SLC1A4: variants seen among roughly 807,000 people sequenced by gnomAD.
SLC1A4 encodes neutral amino acid transporter A.
A neutral mutation model predicts 37.7 loss-of-function variants in SLC1A4; 19 were observed. The observed-to-expected ratio is 0.50, with a 90% CI of 0.35 to 0.74. The LOEUF (loss-of-function observed/expected upper bound fraction) is 0.74, where lower values mean the gene tolerates loss of function less well. Among genes scored for constraint, SLC1A4 ranks in the 30% least tolerant of loss-of-function variants. SLC1A4 has a pLI of 0.01. For missense variants in SLC1A4, 570 were observed against 712.9 expected, an observed-to-expected ratio of 0.80 and a Z score of 2.28; for synonymous variants, 299 against 309.8, an observed-to-expected ratio of 0.97 and a Z score of 0.37.
intron 4 of SLC1A4, among the ~76,000 whole-genome samples, 167 bp from the exon 5 acceptor site, chr2:65,016,273 G>A (rs539940548): frequency 1.3e-5 from 2 of 152,304 alleles, no homozygotes; most frequent in South Asian, 2.1e-4. Flanking sequence ...CTCACAGGCT[G>A]TAAAATGGGG....
In SLC1A4 at chr2:65,001,444, A is replaced by G. The variant is rs1350078804; in HGVS notation, c.528-4A>G. The G allele has an allele frequency of 5.6e-6, 9 of 1,613,832 alleles. No individual in the cohort carries two copies. Among genetic ancestry groups the G allele is most frequent in the East Asian group, 2.2e-5 (1 of 44,884 alleles). ...TACTGACAGAATGCTTTCTTTTCCAACAGAAACCTGTTTCCCTCCAATCTT... is the reference window on the plus strand; with the variant it reads ...TACTGACAGAATGCTTTCTTTTCCAGCAGAAACCTGTTTCCCTCCAATCTT... On this transcript the variant is annotated splice_polypyrimidine_tract_variant and splice_region_variant and intron_variant, in intron 1 of 7. Coordinates refer to ENST00000234256, the MANE Select transcript of SLC1A4 (RefSeq NM_003038.5).
chr2:65,003,925 G>A, intron 2 of SLC1A4, 28 bp from the exon 3 acceptor site: 8 of 1,596,326 alleles, frequency 5.0e-6, no homozygotes, highest in Non-Finnish European at 6.9e-6. Context: ...TGCACTAACA[G>A]TGGGTTTTTT....
chr2:64,990,282 T>C (rs2103625811), intron 1 of SLC1A4, 112 bp downstream of exon 1: 1 of 1,072,924 alleles, frequency 9.3e-7, no homozygotes, highest in East Asian at 2.7e-5. Flanking sequence ...CTTAGCTGGC[T>C]GCTGGTGGCG....
In SLC1A4 at chr2:65,018,899, T is replaced by C. The variant is rs1295866943; in HGVS notation, c.1364+220T>C. The stretch of plus-strand genomic sequence containing the variant: ...ATCCAGGAATGACCATGAGATGTCA[T>C]TACCAAGAACTTGCTTATAGCATCC... On this transcript the variant is annotated intron_variant, in intron 7 of 7. Coordinates refer to ENST00000234256, the MANE Select transcript of SLC1A4 (RefSeq NM_003038.5). The surrounding 1 kb of genome is among the most constrained non-coding windows in gnomAD (Gnocchi z 4.3). Among the ~76,000 whole-genome samples, 1 of 152,198 alleles carries C rather than the reference T, an allele frequency of 6.6e-6. No individual in the cohort carries two copies. The highest frequency in any genetic ancestry group is 1.5e-5 in the Non-Finnish European group (1 of 68,042).
At chr2:65,004,038 T>G in intron 3 of SLC1A4, 23 bp downstream of exon 3, 1 of 1,577,148 alleles carries the variant, frequency 6.3e-7, no homozygotes. Flanking sequence ...ATAAGGTCAC[T>G]TGTAAAAATA....
In SLC1A4 at chr2:65,021,352, CAT is replaced by C; in HGVS notation, c.*207_*208del. ...GTTACCAAGGACAAGGACACTCTGA[CAT>C]TCGGCTTGATCCATGTCCAGGTGCA... On this transcript the variant is annotated 3_prime_UTR_variant, in exon 8 of 8. Coordinates refer to ENST00000234256, the MANE Select transcript of SLC1A4 (RefSeq NM_003038.5). 1.7e-6 allele frequency: 1 copy of C among 582,290 alleles called. No homozygotes were observed. Among genetic ancestry groups the C allele is most frequent in the East Asian group, 2.8e-5 (1 of 35,264 alleles). The allele number at this position is 582,290 out of a possible 1,614,324, so 36.1% of individuals were successfully genotyped here. A position where few individuals can be genotyped will look rare whatever the true frequency, so the allele number is the denominator to read the frequency against.
rs1222342261 is a variant in SLC1A4, at chr2:65,010,594, C to T, written c.634-3C>T. On this transcript the variant is annotated splice_region_variant and splice_polypyrimidine_tract_variant and intron_variant, in intron 3 of 7. Coordinates refer to ENST00000234256, the MANE Select transcript of SLC1A4 (RefSeq NM_003038.5). Reference sequence around the variant, plus strand: ...ACTTGTTCTATCCTCTCTGATCCTGCAGATCCCCATAGGCACTGAGATAGA... The same window carrying T: ...ACTTGTTCTATCCTCTCTGATCCTGTAGATCCCCATAGGCACTGAGATAGA... The T allele has an allele frequency of 6.3e-7, 1 of 1,598,736 alleles. No homozygotes were observed. Among genetic ancestry groups the T allele is most frequent in the African/African-American group, 1.4e-5 (1 of 73,986 alleles).
In SLC1A4 at chr2:65,018,719, C is replaced by T; in HGVS notation, c.1364+40C>T. 1 of 1,610,608 alleles carries T rather than the reference C, an allele frequency of 6.2e-7. No individual in the cohort carries two copies. The stretch of plus-strand genomic sequence containing the variant: ...CTGAGAACACCAAAAAGAGTCTGCA[C>T]TGAGTTCCCTAGGAGCTTAGCACTG... On this transcript the variant is annotated intron_variant, in intron 7 of 7. Transcript: ENST00000234256. The surrounding 1 kb of genome is among the most constrained non-coding windows in gnomAD (Gnocchi z 4.3).
At chr2:65,013,948 A>G (rs1435221349) in intron 4 of SLC1A4, among the ~76,000 whole-genome samples, 1 of 152,248 alleles carries the variant, frequency 6.6e-6, no homozygotes, top group Non-Finnish European at 1.5e-5. Context: ...ATGAAAGAGC[A>G]TGACTGTGTT....
At chr2:64,996,364 C>T (rs1270626294) in intron 1 of SLC1A4, among the ~76,000 whole-genome samples, 2 of 152,138 alleles carry the variant, frequency 1.3e-5, no homozygotes, top group East Asian at 1.9e-4. Flanking sequence ...TGGCCTAATA[C>T]ATATGTAATT....
chr2:65,010,656 G>A lies in SLC1A4; in HGVS notation c.693G>A (p.Leu231=), dbSNP rs1455669947. ...TTTTAGGATTGGTCCTGTTTGCTCT[G>A]GTGTTAGGAGTGGCCTTAAAGAAAC... ...MNILGLVLFA[L]VLGVALKKLG... is the part of the protein sequence containing the mutation. Residue 231 remains leucine (L), a synonymous_variant, in exon 4 of 8, where the codon CTG becomes CTA. Coordinates refer to ENST00000234256, the MANE Select transcript of SLC1A4 (RefSeq NM_003038.5). 6.2e-7 allele frequency: 1 copy of A among 1,614,090 alleles called. No homozygotes were observed. The highest frequency in any genetic ancestry group is 1.7e-5 in the Admixed American group (1 of 60,014).
intron 3 of SLC1A4, 43 bp downstream of exon 3, chr2:65,004,058 C>A: frequency 6.7e-7 from 1 of 1,492,624 alleles, no homozygotes; most frequent in Non-Finnish European, 9.3e-7. Context: ...ATGTCTAAAA[C>A]AAATCTTATT....
intron 5 of SLC1A4, among the ~76,000 whole-genome samples, chr2:65,017,495 TA>T (rs747628209): frequency 8.4e-3 from 1,088 of 129,512 alleles, no homozygotes; most frequent in Middle Eastern, 0.016. Context: ...GAGGTGGGAG[TA>T]AAAAAAAAAA....
In SLC1A4 at chr2:65,016,444, G is replaced by A. The variant is rs147292530; in HGVS notation, c.805G>A (p.Val269Ile). Residue 269 changes from valine (V) to isoleucine (I), a missense_variant, in exon 5 of 8, where the codon GTA becomes ATA. Coordinates refer to ENST00000234256, the MANE Select transcript of SLC1A4 (RefSeq NM_003038.5). ...TACCCTGTGCTTGTGCCCTAGGTAC[G>A]TACCTGTGGGCATCATGTTCCTTGT... is the stretch of plus-strand genomic sequence containing the variant. Reference protein sequence around the residue: ...MVLVSWIMWYVPVGIMFLVGS... With the variant: ...MVLVSWIMWYIPVGIMFLVGS... 35 of 1,613,528 alleles carry A rather than the reference G, an allele frequency of 2.2e-5. No homozygotes were observed. Among genetic ancestry groups the A allele is most frequent in the Middle Eastern group, 1.6e-4 (1 of 6,062 alleles).
At chr2:65,015,586 TTTAA>T (rs971430845) in intron 4 of SLC1A4, among the ~76,000 whole-genome samples, 12 of 152,332 alleles carry the variant, frequency 7.9e-5, no homozygotes, top group African/African-American at 2.9e-4. Context: ...CTATCGGGTT[TTTAA>T]TTAATAATTA....
chr2:65,018,312 GT>G lies in SLC1A4; in HGVS notation c.1229+48del. ...TGGCTCAAAACTGAAGGCTTTTCTT[GT>G]GATTTCCTTTGAAAAACCAATCTCA... On this transcript the variant is annotated intron_variant, in intron 6 of 7. Transcript: ENST00000234256. This position sits in a 1 kb window ranked among gnomAD's most constrained non-coding sequence, Gnocchi z 4.3. 3 of 1,580,550 alleles carry G rather than the reference GT, an allele frequency of 1.9e-6. No homozygotes were observed. Among genetic ancestry groups the G allele is most frequent in the Non-Finnish European group, 2.6e-6 (3 of 1,156,852 alleles).
intron 3 of SLC1A4, among the ~76,000 whole-genome samples, chr2:65,004,438 ATTTAT>A (rs905443599): frequency 1.3e-5 from 2 of 150,760 alleles, no homozygotes; most frequent in African/African-American, 4.9e-5. Flanking sequence ...TTATTTATTT[ATTTAT>A]TTATTTATTT....
chr2:65,010,565 G>C (rs1469340196), intron 3 of SLC1A4, 32 bp from the exon 4 acceptor site: 1 of 1,560,962 alleles, frequency 6.4e-7, no homozygotes, highest in Non-Finnish European at 8.7e-7. Flanking sequence ...CTCATCTGTT[G>C]TAAACTTGTT....
intron 1 of SLC1A4, 134 bp from the exon 2 acceptor site, chr2:65,001,314 A>C: frequency 8.1e-6 from 6 of 737,722 alleles, no homozygotes; most frequent in Non-Finnish European, 1.4e-5. Context: ...AGGCAGGAGG[A>C]TCACTTGAGC....
Sources: gnomAD v4.1 joint callset for allele counts (sites outside exome capture counted in the v4.1 genomes callset) on GRCh38, gnomAD v4.1.1 for gene constraint, Gnocchi (gnomAD v3.1) non-coding constraint, MANE v1.5 for transcripts, NCBI Gene and HGNC (gene_info 2026-07-23, HGNC 2026-07-21) for gene names.